Variants in COLEC12 observed in about 807,000 individuals in gnomAD.
The protein encoded by COLEC12 is collectin-12.
COLEC12 carries 33 observed loss-of-function variants against 71.1 expected under a neutral mutation model. The ratio of observed to expected loss-of-function variants is 0.46; its 90% CI spans 0.35 to 0.62. The LOEUF (loss-of-function observed/expected upper bound fraction) is 0.62, where lower values mean the gene tolerates loss of function less well. Ranked by LOEUF, COLEC12 falls within the 20% of genes least tolerant of loss-of-function variation. The probability of loss-of-function intolerance (pLI) is 0.00; values close to 1 mark genes in which losing one functional copy is unlikely to be tolerated. For synonymous variants in COLEC12, 350 were observed against 353.0 expected (o/e 0.99, Z 0.10); for missense variants, 765 against 916.1 (o/e 0.84, Z 2.13).
rs1303478602 is a variant in COLEC12 at position 399,316 on chromosome 18, T to C, written c.59-41794A>G. ...CCACCAGCACCACAGACCTTGTGTG[T>C]GTGGCAAGGGCCAGGAAAGCAGGCC... On this transcript the variant is annotated intron_variant, in intron 2 of 9. Transcript: ENST00000400256. The surrounding 1 kb of genome is among the most constrained non-coding windows in gnomAD (Gnocchi z 4.0). Among the ~76,000 whole-genome samples the C allele has an allele frequency of 9.2e-5, 14 of 152,202 alleles. No individual in the cohort carries two copies.
intron 2 of COLEC12, among the ~76,000 whole-genome samples, chr18:429,528 C>G (rs1464988762): frequency 1.1e-4 from 16 of 151,980 alleles, no homozygotes. Flanking sequence ...ATTACAGGTG[C>G]CTGCCACCAT....
intron 2 of COLEC12, among the ~76,000 whole-genome samples, chr18:412,073 C>T (rs932436476): frequency 3.3e-5 from 5 of 152,182 alleles, no homozygotes; most frequent in African/African-American, 1.2e-4. Flanking sequence ...CTGAACACTT[C>T]CCAAATTTGG....
At chr18:498,986 T>C (rs573828116) in intron 1 of COLEC12, among the ~76,000 whole-genome samples, 6 of 152,118 alleles carry the variant, frequency 3.9e-5, no homozygotes, top group Non-Finnish European at 8.8e-5. Flanking sequence ...ATGGAGTGGG[T>C]AGGTGGTTAA....
chr18:383,972 T>C (rs927505334), intron 2 of COLEC12, among the ~76,000 whole-genome samples: 6 of 152,166 alleles, frequency 3.9e-5, no homozygotes, highest in Non-Finnish European at 8.8e-5. Context: ...TCAGATTTCA[T>C]GAGACTTATT....
At chr18:419,003 T>C (rs186659188) in intron 2 of COLEC12, among the ~76,000 whole-genome samples, 93 of 152,286 alleles carry the variant, frequency 6.1e-4, no homozygotes, top group African/African-American at 2.2e-3. Flanking sequence ...CCCCCATTGG[T>C]AGTCAGTCAT....
At chr18:359,374 A>C (rs1172755384) in intron 2 of COLEC12, among the ~76,000 whole-genome samples, 1 of 152,252 alleles carries the variant, frequency 6.6e-6, no homozygotes, top group Non-Finnish European at 1.5e-5. Flanking sequence ...AGAAAATACA[A>C]GTAATCTTAT....
intron 3 of COLEC12, among the ~76,000 whole-genome samples, chr18:355,208 GT>G (rs1281716106): frequency 1.3e-5 from 2 of 152,178 alleles, no homozygotes; most frequent in Non-Finnish European, 1.5e-5. Context: ...GAAACTCGTA[GT>G]TTGGGTGGTG....
At chr18:349,002 A>T (rs1914446370) in intron 3 of COLEC12, among the ~76,000 whole-genome samples, 1 of 152,132 alleles carries the variant, frequency 6.6e-6, no homozygotes, top group Admixed American at 6.5e-5. Context: ...GGTGGTAGTG[A>T]ATAAGTCTCA....
At chr18:433,596 G>C (rs1287767812) in intron 2 of COLEC12, among the ~76,000 whole-genome samples, 1 of 152,146 alleles carries the variant, frequency 6.6e-6, no homozygotes. Context: ...TCCAGGAGTT[G>C]TTTCTCACAG....
In COLEC12 at chr18:347,018, C is replaced by A. The variant is rs1387618187; in HGVS notation, c.604G>T (p.Val202Phe). Residue 202 changes from valine to phenylalanine, a missense_variant, in exon 5 of 10, where the codon GTC (valine) becomes TTC (phenylalanine). By Grantham distance (50) the Val-to-Phe change is conservative. Transcript: ENST00000400256. ...LQNQMYSHNVVIMNLNNLNLT... is the reference protein window; with the variant it reads ...LQNQMYSHNVFIMNLNNLNLT... ...TTCAGGTTGTTGAGGTTCATGATGA[C>A]CACATTATGAGAATACATTTGGTTC... 6.2e-7 allele frequency: 1 copy of A among 1,614,130 alleles called. No homozygotes were observed. The highest frequency in any genetic ancestry group is 1.7e-5 in the Admixed American group (1 of 60,026).
intron 6 of COLEC12, chr18:333,696 A>G (rs1173446302): frequency 6.6e-6 from 1 of 152,260 alleles, no homozygotes; most frequent in East Asian, 1.9e-4. Context: ...ACCTTTCTCA[A>G]AAAGAAATTA....
intron 2 of COLEC12, among the ~76,000 whole-genome samples, chr18:474,911 A>G (rs950178586): frequency 1.2e-4 from 19 of 152,034 alleles, no homozygotes; most frequent in African/African-American, 4.4e-4. Flanking sequence ...CGTCTCTACT[A>G]AAAATACAAA....
intron 2 of COLEC12, among the ~76,000 whole-genome samples, chr18:387,916 T>C (rs1915379627): frequency 6.6e-6 from 1 of 152,176 alleles, no homozygotes; most frequent in Non-Finnish European, 1.5e-5. Context: ...AAATTGTCAG[T>C]TCAGCCAATT....
At chr18:331,957 G>A (rs191111721) in intron 7 of COLEC12, among the ~76,000 whole-genome samples, 180 bp from the exon 8 acceptor site, 2 of 152,212 alleles carry the variant, frequency 1.3e-5, no homozygotes, top group Non-Finnish European at 2.9e-5. Flanking sequence ...GCTGTTTGGG[G>A]GGCTTTGACT....
intron 2 of COLEC12, among the ~76,000 whole-genome samples, chr18:457,513 G>C (rs1916896565): frequency 6.6e-6 from 1 of 152,174 alleles, no homozygotes; most frequent in Non-Finnish European, 1.5e-5. Context: ...TATCCCAAAA[G>C]TGGACCCAAA....
At chr18:471,540 T>C (rs1003673219) in intron 2 of COLEC12, among the ~76,000 whole-genome samples, 1 of 151,900 alleles carries the variant, frequency 6.6e-6, no homozygotes, top group Admixed American at 6.6e-5. Flanking sequence ...ATAGCAAAGT[T>C]ACAATTAGGA....
intron 5 of COLEC12, among the ~76,000 whole-genome samples, chr18:339,746 A>G (rs1348359312): frequency 6.6e-6 from 1 of 152,120 alleles, no homozygotes; most frequent in African/African-American, 2.4e-5. Context: ...AACATATTCT[A>G]TGTGTCTTAT....
chr18:392,524 G>A (rs549788399), intron 2 of COLEC12, among the ~76,000 whole-genome samples: 6 of 152,302 alleles, frequency 3.9e-5, no homozygotes, highest in South Asian at 2.1e-4. Flanking sequence ...GGTATTTGGC[G>A]AAACTTACAC....
intron 2 of COLEC12, among the ~76,000 whole-genome samples, chr18:470,569 A>C (rs75756347): frequency 0.021 from 3,232 of 152,044 alleles, 92 homozygotes; most frequent in African/African-American, 0.073. Context: ...CAATGTAGCA[A>C]GACCCTGTCT....
Sources: allele counts gnomAD v4.1 joint callset (sites outside exome capture counted in the v4.1 genomes callset), GRCh38; gene constraint gnomAD v4.1.1; non-coding constraint Gnocchi (gnomAD v3.1); transcripts MANE v1.5; gene names NCBI Gene and HGNC (gene_info 2026-07-23, HGNC 2026-07-21).